The following GMDS variants were observed in gnomAD, a reference collection of about 807,000 sequenced individuals.
GMDS encodes GDP-mannose 4,6-dehydratase, also known as GDP-mannose 4,6 dehydratase.
GMDS carries 20 observed loss-of-function variants against 49.9 expected under a neutral mutation model. The observed-to-expected ratio is 0.40, with a 90% CI of 0.28 to 0.58. The LOEUF is 0.58. GMDS is among the 20% of genes least tolerant of loss of function. The pLI is 0.42. For synonymous variants in GMDS, 177 were observed against 178.6 expected (o/e 0.99, Z 0.07); for missense variants, 362 against 481.4 (o/e 0.75, Z 2.32).
At chr6:1,900,900 T>C (rs1244856767) in intron 7 of GMDS, among the ~76,000 whole-genome samples, 1 of 152,226 alleles carries the variant, frequency 6.6e-6, no homozygotes, top group Non-Finnish European at 1.5e-5. Context: ...TCACTCACAG[T>C]GTTTCAGACG....
chr6:1,736,538 A>G (rs1381873263), intron 8 of GMDS, among the ~76,000 whole-genome samples: 1 of 152,136 alleles, frequency 6.6e-6, no homozygotes, highest in East Asian at 1.9e-4. Context: ...TCTAGCTCTA[A>G]TGGGGATTTT....
At chr6:1,889,684 AG>A (rs1431674176) in intron 7 of GMDS, among the ~76,000 whole-genome samples, 1 of 152,220 alleles carries the variant, frequency 6.6e-6, no homozygotes, top group African/African-American at 2.4e-5. Flanking sequence ...TAGTATACTC[AG>A]GGAGTCACAC....
At chr6:2,042,410 C>T (rs530170010) in intron 4 of GMDS, among the ~76,000 whole-genome samples, 1 of 152,128 alleles carries the variant, frequency 6.6e-6, no homozygotes, top group Non-Finnish European at 1.5e-5. Context: ...CCTCCCAACC[C>T]CACCTGCACT....
At chr6:1,923,918 C>T (rs1209960095) in intron 7 of GMDS, among the ~76,000 whole-genome samples, 1 of 152,174 alleles carries the variant, frequency 6.6e-6, no homozygotes, top group Non-Finnish European at 1.5e-5. Context: ...CCTATGTACC[C>T]TTCCAGAGGC....
intron 4 of GMDS, among the ~76,000 whole-genome samples, chr6:1,987,653 G>A (rs1765640953): frequency 6.6e-6 from 1 of 152,150 alleles, no homozygotes; most frequent in Middle Eastern, 3.4e-3. Context: ...GAACTATGGG[G>A]GAAAAAAGCT....
chr6:2,141,298 C>T (rs983507431), intron 1 of GMDS, among the ~76,000 whole-genome samples: 3 of 152,158 alleles, frequency 2.0e-5, no homozygotes, highest in African/African-American at 7.2e-5. Flanking sequence ...AAAACCCACA[C>T]TGCATAGGAA....
intron 1 of GMDS, among the ~76,000 whole-genome samples, chr6:2,133,924 T>A (rs1169287200): frequency 6.6e-6 from 1 of 152,164 alleles, no homozygotes; most frequent in Non-Finnish European, 1.5e-5. Context: ...GTGTGGTGAC[T>A]GGGGATAGGC....
chr6:2,153,200 G>T (rs895978153), intron 1 of GMDS, among the ~76,000 whole-genome samples: 2 of 152,110 alleles, frequency 1.3e-5, no homozygotes, highest in African/African-American at 4.8e-5. Context: ...AGACCTTTCA[G>T]ATACAACAAA....
chr6:2,139,880 C>A (rs749544539), intron 1 of GMDS, among the ~76,000 whole-genome samples: 8 of 152,116 alleles, frequency 5.3e-5, no homozygotes, highest in African/African-American at 9.7e-5. Flanking sequence ...AGGAAGACGT[C>A]GTGAAAGAGG....
intron 7 of GMDS, among the ~76,000 whole-genome samples, chr6:1,845,368 A>G (rs547791103): frequency 1.3e-5 from 2 of 152,358 alleles, no homozygotes; most frequent in African/African-American, 4.8e-5. Context: ...TTCTCTTTGT[A>G]CCATTTATCA....
chr6:1,823,936 C>A (rs985022484), intron 7 of GMDS, among the ~76,000 whole-genome samples: 1 of 152,168 alleles, frequency 6.6e-6, no homozygotes, highest in African/African-American at 2.4e-5. Context: ...AGCAGCCTAA[C>A]TGAGCACCTT....
chr6:2,012,774 A>G (rs374610731), intron 4 of GMDS, among the ~76,000 whole-genome samples: 1 of 152,286 alleles, frequency 6.6e-6, no homozygotes, highest in East Asian at 1.9e-4. Context: ...GAGTTAAAAA[A>G]AGTCCCAGGA....
chr6:2,054,824 A>C (rs1001103429), intron 4 of GMDS, among the ~76,000 whole-genome samples: 6 of 152,078 alleles, frequency 3.9e-5, no homozygotes, highest in African/African-American at 1.4e-4. Context: ...CAAAACAAAA[A>C]AAACCACATG....
At chr6:2,037,189 T>G (rs751216228) in intron 4 of GMDS, among the ~76,000 whole-genome samples, 3 of 152,136 alleles carry the variant, frequency 2.0e-5, no homozygotes, top group Admixed American at 6.5e-5. Context: ...CCCTTCAACT[T>G]CACCCTCAAT....
At chr6:1,853,517 CAAAAAAAAAA>C (rs34773610) in intron 7 of GMDS, among the ~76,000 whole-genome samples, 1 of 70,390 alleles carries the variant, frequency 1.4e-5, no homozygotes, top group Non-Finnish European at 2.6e-5. Context: ...GACTCCGTCT[CAAAAAAAAAA>C]AAAAAAAAAA....
At chr6:1,911,054 T>C (rs1364729049) in intron 7 of GMDS, among the ~76,000 whole-genome samples, 1 of 152,170 alleles carries the variant, frequency 6.6e-6, no homozygotes, top group Non-Finnish European at 1.5e-5. Flanking sequence ...CAGGGAAAGA[T>C]GGAGGGGCTA....
chr6:1,970,018 C>G (rs560003978), intron 4 of GMDS, among the ~76,000 whole-genome samples: 11 of 152,266 alleles, frequency 7.2e-5, no homozygotes, highest in Non-Finnish European at 1.6e-4. Context: ...TTTCAGTACA[C>G]AATTAAGAAT....
intron 7 of GMDS, among the ~76,000 whole-genome samples, chr6:1,862,366 C>A (rs1282826647): frequency 2.0e-5 from 3 of 149,058 alleles, no homozygotes; most frequent in East Asian, 3.9e-4. Flanking sequence ...CAGGAAAAGA[C>A]AAAGGATCCT....
At chr6:1,727,829 G>GA (rs1237876100) in intron 8 of GMDS, among the ~76,000 whole-genome samples, 1 of 152,208 alleles carries the variant, frequency 6.6e-6, no homozygotes, top group African/African-American at 2.4e-5. Flanking sequence ...AGGCAAGTAT[G>GA]AAAACTGTCC....
Sources: allele counts gnomAD v4.1 joint callset (sites outside exome capture counted in the v4.1 genomes callset), GRCh38; gene constraint gnomAD v4.1.1; transcripts MANE v1.5; gene names NCBI Gene and HGNC (gene_info 2026-07-23, HGNC 2026-07-21).